Variants in CTIF observed in about 807,000 individuals in gnomAD.
The protein encoded by CTIF is CBP80/20-dependent translation initiation factor.
A neutral mutation model predicts 66.0 loss-of-function variants in CTIF; 21 were observed. That is an observed-to-expected ratio of 0.32 (90% CI 0.23 to 0.46). CTIF has a LOEUF of 0.46. CTIF is among the 20% of genes least tolerant of loss of function. CTIF has a pLI of 1.00. For synonymous variants in CTIF, 345 were observed against 326.4 expected, an observed-to-expected ratio of 1.06 and a Z score of -0.62; for missense variants, 739 against 812.7, an observed-to-expected ratio of 0.91 and a Z score of 1.10.
chr18:48,548,999 C>T (rs1453467399), intron 1 of CTIF, among the ~76,000 whole-genome samples: 3 of 148,852 alleles, frequency 2.0e-5, no homozygotes, highest in Non-Finnish European at 4.5e-5. Flanking sequence ...TTTTTTTTTT[C>T]CAATGGATAA....
chr18:48,580,148 G>T (rs2089622735), intron 1 of CTIF, among the ~76,000 whole-genome samples: 1 of 152,184 alleles, frequency 6.6e-6, no homozygotes. Flanking sequence ...GTTGTTAGAG[G>T]CTCAGGTTAG....
chr18:48,650,641 T>C (rs2091138476), intron 3 of CTIF, among the ~76,000 whole-genome samples: 1 of 152,086 alleles, frequency 6.6e-6, no homozygotes, highest in Non-Finnish European at 1.5e-5. Flanking sequence ...AAGATACTCC[T>C]TGAGAAGAGC....
chr18:48,663,925 C>T (rs1455346152), intron 4 of CTIF, 100 bp downstream of exon 4: 1 of 1,031,428 alleles, frequency 9.7e-7, no homozygotes. Context: ...GAGCAAGAGG[C>T]AGAGAGAAGC....
intron 6 of CTIF, among the ~76,000 whole-genome samples, chr18:48,696,046 G>T (rs1291768933): frequency 6.6e-6 from 1 of 152,238 alleles, no homozygotes; most frequent in Non-Finnish European, 1.5e-5. Flanking sequence ...TCACAGATCT[G>T]GCAGGTTTCG....
intron 7 of CTIF, among the ~76,000 whole-genome samples, chr18:48,731,910 G>A (rs1191631173): frequency 1.3e-5 from 2 of 152,224 alleles, no homozygotes; most frequent in Non-Finnish European, 1.5e-5. Context: ...CTCTGCCATT[G>A]TAGCACAGAA....
intron 3 of CTIF, among the ~76,000 whole-genome samples, chr18:48,639,833 C>T (rs2090894187): frequency 6.6e-6 from 1 of 152,184 alleles, no homozygotes; most frequent in African/African-American, 2.4e-5. Context: ...TGGCTCATAC[C>T]CACGTCCATG....
At chr18:48,758,862 G>A (rs1908678468) in intron 8 of CTIF, among the ~76,000 whole-genome samples, 1 of 152,236 alleles carries the variant, frequency 6.6e-6, no homozygotes, top group Non-Finnish European at 1.5e-5. Context: ...CCAGAATGGG[G>A]AGCAGAGGTG....
At chr18:48,708,734 A>C (rs751178746) in intron 6 of CTIF, among the ~76,000 whole-genome samples, 5 of 152,168 alleles carry the variant, frequency 3.3e-5, no homozygotes, top group African/African-American at 4.8e-5. Flanking sequence ...GCCCCAGGCC[A>C]AAAACAGCAT....
intron 9 of CTIF, among the ~76,000 whole-genome samples, chr18:48,774,010 G>A (rs1399499991): frequency 6.6e-6 from 1 of 152,126 alleles, no homozygotes; most frequent in African/African-American, 2.4e-5. Flanking sequence ...TAGATAAAGA[G>A]CAGGCCCCCT....
chr18:48,748,406 A>G (rs769176292), intron 7 of CTIF, among the ~76,000 whole-genome samples: 2 of 152,090 alleles, frequency 1.3e-5, no homozygotes, highest in Non-Finnish European at 2.9e-5. Flanking sequence ...TAAATTGAGT[A>G]TCACTATACC....
chr18:48,821,893 T>C (rs2068490677), intron 10 of CTIF, among the ~76,000 whole-genome samples: 1 of 152,266 alleles, frequency 6.6e-6, no homozygotes, highest in African/African-American at 2.4e-5. Context: ...AAGTACAGTA[T>C]TGTATCCATA....
intron 7 of CTIF, among the ~76,000 whole-genome samples, chr18:48,734,583 AAATTATTT>A (rs752949185): frequency 1.3e-5 from 2 of 152,138 alleles, no homozygotes; most frequent in African/African-American, 2.4e-5. Context: ...AAATAAAATA[AAATTATTT>A]GAATCCCAGG....
intron 3 of CTIF, among the ~76,000 whole-genome samples, chr18:48,658,371 A>G (rs930960440): frequency 6.6e-6 from 1 of 151,948 alleles, no homozygotes; most frequent in African/African-American, 2.4e-5. Context: ...ATATAGTTGT[A>G]GTATACATGT....
At chr18:48,573,190 G>A (rs1448213113) in intron 1 of CTIF, among the ~76,000 whole-genome samples, 1 of 152,136 alleles carries the variant, frequency 6.6e-6, no homozygotes, top group African/African-American at 2.4e-5. Flanking sequence ...TCATTTCAGG[G>A]CCTAAAGTCA....
Position 48,830,304 on chromosome 18 carries a change from C to T in CTIF, c.1527+12928C>T, listed in dbSNP as rs533831474. Among the ~76,000 whole-genome samples, 73 of 152,284 alleles carry T rather than the reference C, an allele frequency of 4.8e-4. 1 individual carries two copies. The highest frequency in any genetic ancestry group is 1.5e-3 in the African/African-American group (62 of 41,570). On this transcript the variant is annotated intron_variant, in intron 10 of 11. Transcript: ENST00000256413. ...TCAGCCTCCTGAGTAGCCGGGATTA[C>T]AGGCGTGTGCCACCACACCCAGCTA... is the stretch of plus-strand genomic sequence containing the variant.
chr18:48,559,596 A>G (rs1008860266), intron 1 of CTIF, among the ~76,000 whole-genome samples: 2 of 152,226 alleles, frequency 1.3e-5, no homozygotes, highest in Non-Finnish European at 1.5e-5. Flanking sequence ...TCTATTCCAC[A>G]TGGCATCAGC....
intron 7 of CTIF, among the ~76,000 whole-genome samples, chr18:48,744,320 G>A (rs545371608): frequency 3.3e-5 from 5 of 152,296 alleles, no homozygotes; most frequent in South Asian, 4.1e-4. Context: ...TGCCTGGTGC[G>A]TAAGAAATTG....
intron 3 of CTIF, among the ~76,000 whole-genome samples, chr18:48,660,012 G>A (rs1413444752): frequency 6.6e-6 from 1 of 151,818 alleles, no homozygotes; most frequent in African/African-American, 2.4e-5. Flanking sequence ...GACGTGTGTC[G>A]ATTGTGTGAC....
intron 1 of CTIF, among the ~76,000 whole-genome samples, chr18:48,575,609 T>C (rs1314792952): frequency 6.6e-6 from 1 of 152,164 alleles, no homozygotes; most frequent in Non-Finnish European, 1.5e-5. Flanking sequence ...GCACCCCCAT[T>C]GAGAGGCTCC....
Sources: gnomAD v4.1 joint callset for allele counts (sites outside exome capture counted in the v4.1 genomes callset) on GRCh38, gnomAD v4.1.1 for gene constraint, MANE v1.5 for transcripts, NCBI Gene and HGNC (gene_info 2026-07-23, HGNC 2026-07-21) for gene names.